The following ITGA9 variants were observed in gnomAD, a reference collection of about 807,000 sequenced individuals.
ITGA9 encodes integrin subunit alpha 9.
A neutral mutation model predicts 127.8 loss-of-function variants in ITGA9; 56 were observed. That is an observed-to-expected ratio of 0.44 (90% CI 0.35 to 0.55). The LOEUF is 0.55. ITGA9 is among the 20% of genes least tolerant of loss of function. The pLI is 0.00. For synonymous variants in ITGA9, 508 were observed against 514.5 expected (o/e 0.99, Z 0.17); for missense variants, 1,196 against 1,347.1 (o/e 0.89, Z 1.76).
intron 23 of ITGA9, among the ~76,000 whole-genome samples, chr3:37,771,965 C>T (rs1212561721): frequency 6.6e-6 from 1 of 152,136 alleles, no homozygotes; most frequent in Non-Finnish European, 1.5e-5. Flanking sequence ...CAGCTTCCAC[C>T]TAAGAGGTAG....
chr3:37,792,473 G>A (rs370821473), intron 26 of ITGA9, among the ~76,000 whole-genome samples: 3 of 152,298 alleles, frequency 2.0e-5, no homozygotes, highest in South Asian at 2.1e-4. Flanking sequence ...GAAGGAATTC[G>A]CTTGCCAAGC....
At chr3:37,510,337 A>C (rs1228603441) in intron 8 of ITGA9, among the ~76,000 whole-genome samples, 1 of 151,806 alleles carries the variant, frequency 6.6e-6, no homozygotes, top group African/African-American at 2.4e-5. Flanking sequence ...GGAGTTTCTG[A>C]GTATCTTTAT....
intron 14 of ITGA9, 51 bp downstream of exon 14, chr3:37,533,519 C>T (rs370804880): frequency 8.2e-6 from 13 of 1,581,794 alleles, no homozygotes; most frequent in Non-Finnish European, 1.1e-5. Context: ...CTGGAGTGGG[C>T]TAGTGGGATA....
chr3:37,649,370 C>T (rs186707556), intron 16 of ITGA9, among the ~76,000 whole-genome samples: 5 of 152,132 alleles, frequency 3.3e-5, no homozygotes, highest in Admixed American at 3.3e-4. Context: ...CAAGGACACA[C>T]AGAGAGATGG....
Position 37,748,246 on chromosome 3 carries a change from G to C in ITGA9, c.2434-2216G>C. ...TGACATTATAGACATCAAGGGAATG[G>C]GTACTGTTCAAAAAGGAAGGCCCCG... On this transcript the variant is annotated intron_variant, in intron 22 of 27. Coordinates refer to ENST00000264741, the MANE Select transcript of ITGA9 (RefSeq NM_002207.3). 8.2e-6 allele frequency: 4 copies of C among 488,082 alleles called. No homozygotes were observed. The Middle Eastern group carries it at 1.1e-3, about 136-fold the overall frequency. 30.2% of individuals were successfully genotyped at this position (488,082 alleles called of 1,614,324 possible).
intron 18 of ITGA9, among the ~76,000 whole-genome samples, chr3:37,709,889 C>T (rs1701059172): frequency 2.6e-5 from 4 of 152,176 alleles, no homozygotes; most frequent in Non-Finnish European, 4.4e-5. Flanking sequence ...GCAGGAGAAT[C>T]GCTTGAACCC....
At chr3:37,752,771 ACCAAAGAGTCTTTTGTGTTTG>A (rs1353255746) in intron 23 of ITGA9, among the ~76,000 whole-genome samples, 1 of 152,122 alleles carries the variant, frequency 6.6e-6, no homozygotes, top group African/African-American at 2.4e-5. Flanking sequence ...TCTAGCTTTC[ACCAAAGAGTCTTTTGTGTTTG>A]CCCAAAGCAT....
intron 17 of ITGA9, among the ~76,000 whole-genome samples, chr3:37,657,548 A>T (rs1700490469): frequency 1.4e-5 from 2 of 147,080 alleles, no homozygotes. Context: ...CCCCTTTATC[A>T]TTTTTTGTTG....
chr3:37,683,263 C>A (rs190860218), intron 17 of ITGA9, among the ~76,000 whole-genome samples: 4 of 152,330 alleles, frequency 2.6e-5, no homozygotes, highest in Admixed American at 1.3e-4. Context: ...GTTTCTTGCT[C>A]CCCTTCTTTC....
chr3:37,689,758 G>A (rs1350162934), intron 18 of ITGA9, among the ~76,000 whole-genome samples: 1 of 152,212 alleles, frequency 6.6e-6, no homozygotes, highest in African/African-American at 2.4e-5. Context: ...TCAAGGTAAA[G>A]CCTCATTTTA....
intron 13 of ITGA9, 145 bp from the exon 14 acceptor site, chr3:37,533,169 A>G (rs1699173665): frequency 1.3e-6 from 1 of 778,234 alleles, no homozygotes; most frequent in African/African-American, 1.7e-5. Flanking sequence ...CACAGAACAT[A>G]CTAGCCCTTC....
rs577947331 is a variant in ITGA9, at chr3:37,770,593, C to T, written c.2542-6799C>T. Among the ~76,000 whole-genome samples the T allele has an allele frequency of 1.4e-4, 21 of 152,336 alleles. No individual in the cohort carries two copies. The South Asian group carries it at 3.9e-3, about 29-fold the overall frequency. On this transcript the variant is annotated intron_variant, in intron 23 of 27. Coordinates refer to ENST00000264741, the MANE Select transcript of ITGA9 (RefSeq NM_002207.3). The stretch of plus-strand genomic sequence containing the variant: ...AACAGCTCTTGACTTCCCTTCTCCA[C>T]CTGGGATCAGATGACGACAACATTT...
intron 4 of ITGA9, among the ~76,000 whole-genome samples, chr3:37,493,782 A>G (rs1386885967): frequency 6.6e-6 from 1 of 152,192 alleles, no homozygotes; most frequent in African/African-American, 2.4e-5. Context: ...GACAGCTAAC[A>G]CAATGCCTGG....
chr3:37,470,981 C>A, intron 1 of ITGA9, 26 bp from the exon 2 acceptor site: 3 of 1,613,774 alleles, frequency 1.9e-6, no homozygotes, highest in Non-Finnish European at 2.5e-6. Flanking sequence ...TAGGTTGTGA[C>A]AGAATGCCTT....
intron 15 of ITGA9, among the ~76,000 whole-genome samples, chr3:37,575,450 G>T (rs537802547): frequency 6.6e-6 from 1 of 152,262 alleles, no homozygotes; most frequent in African/African-American, 2.4e-5. Context: ...GACAACTAGC[G>T]TTTACTGAGT....
chr3:37,529,759 C>T (rs1214902229), intron 13 of ITGA9, among the ~76,000 whole-genome samples: 2 of 152,076 alleles, frequency 1.3e-5, no homozygotes, highest in African/African-American at 4.8e-5. Flanking sequence ...GTTGAAGAGA[C>T]AAGAGGGAGG....
chr3:37,485,365 A>T (rs61013202), intron 4 of ITGA9, among the ~76,000 whole-genome samples: 10,444 of 151,944 alleles, frequency 0.069, 550 homozygotes, highest in African/African-American at 0.15. Context: ...TTCTTGTGGG[A>T]TGGTGGAAAG....
intron 18 of ITGA9, among the ~76,000 whole-genome samples, chr3:37,721,627 G>A (rs898530560): frequency 6.6e-6 from 1 of 152,148 alleles, no homozygotes; most frequent in African/African-American, 2.4e-5. Flanking sequence ...TGCTTTCTTT[G>A]TCCTGCTTCT....
At chr3:37,666,473 A>C (rs984721744) in intron 17 of ITGA9, among the ~76,000 whole-genome samples, 3 of 152,056 alleles carry the variant, frequency 2.0e-5, no homozygotes, top group Non-Finnish European at 2.9e-5. Context: ...TTCTGGTCTC[A>C]TTTGGGCCCC....
Sources: gnomAD v4.1 joint callset for allele counts (sites outside exome capture counted in the v4.1 genomes callset) on GRCh38, gnomAD v4.1.1 for gene constraint, MANE v1.5 for transcripts, NCBI Gene and HGNC (gene_info 2026-07-23, HGNC 2026-07-21) for gene names.